PTPN13: variants seen among roughly 807,000 people sequenced by gnomAD.
PTPN13 encodes the protein tyrosine-protein phosphatase non-receptor type 13.
A neutral mutation model predicts 284.0 loss-of-function variants in PTPN13; 191 were observed. The observed-to-expected ratio is 0.67, with a 90% confidence interval of 0.60 to 0.76. The LOEUF (loss-of-function observed/expected upper bound fraction) is 0.76, where lower values mean the gene tolerates loss of function less well. PTPN13 is among the 30% of genes least tolerant of loss of function. The pLI is 0.00. For synonymous variants in PTPN13, 986 were observed against 1,022.3 expected, an observed-to-expected ratio of 0.96 and a Z score of 0.68; for missense variants, 2,797 against 2,939.9, an observed-to-expected ratio of 0.95 and a Z score of 1.12.
intron 16 of PTPN13, among the ~76,000 whole-genome samples, chr4:86,742,677 A>G (rs964461063): frequency 1.3e-5 from 2 of 152,162 alleles, no homozygotes; most frequent in African/African-American, 4.8e-5. Context: ...TTTCCAGATT[A>G]TATGTTCTCC....
At chr4:86,680,397 CTA>C (rs1491062549) in intron 3 of PTPN13, among the ~76,000 whole-genome samples, 4 of 150,896 alleles carry the variant, frequency 2.7e-5, no homozygotes, top group African/African-American at 7.3e-5. Context: ...ATCTATCTAT[CTA>C]TCTCTATCTC....
At chr4:86,766,287 A>G (rs1314562954) in intron 26 of PTPN13, 145 bp from the exon 27 acceptor site, 5 of 608,878 alleles carry the variant, frequency 8.2e-6, no homozygotes, top group South Asian at 4.1e-5. Context: ...AATAAATTAA[A>G]TAACATATTA....
intron 45 of PTPN13, 66 bp from the exon 46 acceptor site, chr4:86,809,703 A>G: frequency 6.9e-7 from 1 of 1,457,468 alleles, no homozygotes; most frequent in South Asian, 1.2e-5. Context: ...GAAAGAAAAA[A>G]AAGAATTAAC....
chr4:86,726,355 G>A (rs541290880), intron 10 of PTPN13, among the ~76,000 whole-genome samples: 1 of 149,516 alleles, frequency 6.7e-6, no homozygotes, highest in East Asian at 1.9e-4. Context: ...ATTCTGGGAA[G>A]AAAGTCATTG....
chr4:86,771,581 T>C (rs1378923078), intron 31 of PTPN13, 46 bp downstream of exon 31: 2 of 1,483,204 alleles, frequency 1.3e-6, no homozygotes, highest in South Asian at 2.7e-5. Context: ...TGGTTGTTGT[T>C]AGTAGCAGTA....
chr4:86,800,669 G>A (rs140613207), intron 42 of PTPN13, among the ~76,000 whole-genome samples: 3 of 126,376 alleles, frequency 2.4e-5, no homozygotes, highest in Non-Finnish European at 5.3e-5. Flanking sequence ...GAAAGAGAGA[G>A]AGAGAAAGAG....
At chr4:86,651,132 G>C (rs1725030795) in intron 2 of PTPN13, among the ~76,000 whole-genome samples, 1 of 152,120 alleles carries the variant, frequency 6.6e-6, no homozygotes. Context: ...AAGAGATGTT[G>C]AATTTTATTG....
intron 3 of PTPN13, among the ~76,000 whole-genome samples, chr4:86,684,067 G>A (rs971019029): frequency 1.9e-4 from 28 of 150,924 alleles, no homozygotes; most frequent in African/African-American, 6.1e-4. Context: ...GTAAAGTTCT[G>A]TGTTACTTGC....
At position 86,765,435 on chromosome 4, in the gene PTPN13, T is replaced by G; in HGVS notation, c.4190T>G (p.Val1397Gly). ...NTSVRHGGIY[V>G]KAVIPQGAAE... ...AGTGTCAGACATGGTGGCATTTATG[T>G]GAAAGCTGTTATTCCCCAGGGAGCA... The change falls in exon 26 of 48, where the codon GTG becomes GGG. Residue 1397 changes from valine to glycine, a missense_variant. Physicochemically the swap from Val to Gly is moderately radical, Grantham distance 109 (BLOSUM62 -3). Transcript: ENST00000411767. 1 of 1,603,246 alleles carries G rather than the reference T, an allele frequency of 6.2e-7. No homozygotes were observed. Among genetic ancestry groups the G allele is most frequent in the South Asian group, 1.1e-5 (1 of 88,708 alleles).
At chr4:86,629,982 T>C (rs987134062) in intron 1 of PTPN13, among the ~76,000 whole-genome samples, 2 of 152,112 alleles carry the variant, frequency 1.3e-5, no homozygotes, top group African/African-American at 2.4e-5. Context: ...GCCCAGGCAG[T>C]CTTGAACCCC....
intron 6 of PTPN13, among the ~76,000 whole-genome samples, chr4:86,698,204 A>G (rs183294792): frequency 0.027 from 4,111 of 151,838 alleles, 181 homozygotes; most frequent in African/African-American, 0.087. Flanking sequence ...TGGATTTGAT[A>G]TGGGGATTAA....
At chr4:86,607,134 T>C (rs950280244) in intron 1 of PTPN13, among the ~76,000 whole-genome samples, 1 of 151,900 alleles carries the variant, frequency 6.6e-6, no homozygotes, top group African/African-American at 2.4e-5. Flanking sequence ...TTATGATTCC[T>C]TTAAAACTGT....
intron 43 of PTPN13, 26 bp downstream of exon 43, chr4:86,803,883 C>T: frequency 1.2e-6 from 2 of 1,609,330 alleles, no homozygotes; most frequent in Non-Finnish European, 1.7e-6. Context: ...CAATGATTCT[C>T]TCCCAAAGTG....
chr4:86,724,699 CATAA>C (rs1255918566), intron 10 of PTPN13, among the ~76,000 whole-genome samples: 2 of 152,086 alleles, frequency 1.3e-5, no homozygotes, highest in Admixed American at 1.3e-4. Flanking sequence ...TTTCCCACAG[CATAA>C]ATGTTTAGGA....
chr4:86,648,594 G>A (rs1020466045), intron 2 of PTPN13, among the ~76,000 whole-genome samples: 1 of 152,090 alleles, frequency 6.6e-6, no homozygotes, highest in Non-Finnish European at 1.5e-5. Context: ...TATCTGTTGT[G>A]TATATATGCC....
Position 86,803,835 on chromosome 4 carries a change from G to T in PTPN13, c.6632G>T (p.Gly2211Val). Residue 2211 changes from glycine (G) to valine (V), a missense_variant, in exon 43 of 48, where the codon GGA becomes GTA. Physicochemically the swap from Gly to Val is moderately radical, Grantham distance 109 (BLOSUM62 -3). Coordinates refer to ENST00000411767, the MANE Select transcript of PTPN13 (RefSeq NM_080683.3). ...GTCCTGCGGGGTTTGCTAGATCAAG[G>T]AATTCCTTCTAAGGAGCTGGAGGTA... is the stretch of plus-strand genomic sequence containing the variant. ...IRVLRGLLDQ[G>V]IPSKELENLQ... The T allele has an allele frequency of 6.2e-7, 1 of 1,613,658 alleles. No individual in the cohort carries two copies. The highest frequency in any genetic ancestry group is 1.1e-5 in the South Asian group (1 of 91,050).
intron 44 of PTPN13, among the ~76,000 whole-genome samples, chr4:86,806,236 A>AT (rs939726469): frequency 1.1e-4 from 16 of 151,926 alleles, no homozygotes; most frequent in South Asian, 4.2e-4. Context: ...TCACACTGTG[A>AT]TTTTTTTTAA....
rs1386286908 is a variant in PTPN13 at position 86,751,141 on chromosome 4, T to G, written c.3166+17T>G. On this transcript the variant is annotated intron_variant, in intron 19 of 47. Coordinates refer to ENST00000411767, the MANE Select transcript of PTPN13 (RefSeq NM_080683.3). Reference sequence around the variant, plus strand: ...ATGTTCTAGGTCAGCAAAAACAAGCTTACCTTCTTTGTCCCATACCTCATG... The same window carrying G: ...ATGTTCTAGGTCAGCAAAAACAAGCGTACCTTCTTTGTCCCATACCTCATG... The G allele has an allele frequency of 6.6e-7, 1 of 1,509,526 alleles. No individual in the cohort carries two copies. Among genetic ancestry groups the G allele is most frequent in the Non-Finnish European group, 9.2e-7 (1 of 1,088,798 alleles). The allele number at this position is 1,509,526 out of a possible 1,614,324, so 93.5% of individuals were successfully genotyped here. A position where few individuals can be genotyped will look rare whatever the true frequency, so the allele number is the denominator to read the frequency against.
At chr4:86,611,874 T>C (rs529936137) in intron 1 of PTPN13, among the ~76,000 whole-genome samples, 1 of 152,302 alleles carries the variant, frequency 6.6e-6, no homozygotes, top group South Asian at 2.1e-4. Context: ...ATTACATGCA[T>C]GTCAGGAAAG....
Sources: gnomAD v4.1 joint callset for allele counts (sites outside exome capture counted in the v4.1 genomes callset) on GRCh38, gnomAD v4.1.1 for gene constraint, MANE v1.5 for transcripts, NCBI Gene and HGNC (gene_info 2026-07-23, HGNC 2026-07-21) for gene names.